Variants in ATP2B2 observed in about 807,000 individuals in gnomAD.
ATP2B2 encodes plasma membrane calcium-transporting ATPase 2.
In ATP2B2, 15 loss-of-function variants were observed where a neutral mutation model predicts 120.0. That is an observed-to-expected ratio of 0.12 (90% confidence interval 0.08 to 0.19). The LOEUF is 0.19. Among genes scored for constraint, ATP2B2 ranks in the 10% least tolerant of loss-of-function variants. The pLI is 1.00. For missense variants in ATP2B2, 1,045 were observed against 1,719.8 expected (o/e 0.61, Z 6.94); for synonymous variants, 694 against 700.3 (o/e 0.99, Z 0.14).
intron 2 of ATP2B2, among the ~76,000 whole-genome samples, chr3:10,572,142 G>A (rs776472160): frequency 2.6e-5 from 4 of 152,174 alleles, no homozygotes; most frequent in African/African-American, 4.8e-5. Flanking sequence ...GGTTGCAGGC[G>A]GAGGCTCAGA....
intron 22 of ATP2B2, among the ~76,000 whole-genome samples, chr3:10,337,190 C>T (rs2060141258): frequency 6.6e-6 from 1 of 152,218 alleles, no homozygotes; most frequent in South Asian, 2.1e-4. Flanking sequence ...CTGTGAAGGT[C>T]ACATGAGGTG....
chr3:10,512,464 GCACACACA>G (rs6147706), intron 3 of ATP2B2, among the ~76,000 whole-genome samples: 2,784 of 136,952 alleles, frequency 0.02, 64 homozygotes, highest in East Asian at 0.059. Flanking sequence ...AAGTGTGTGC[GCACACACA>G]CACACACACA....
chr3:10,707,161 C>T (rs578262256), intron 1 of ATP2B2, among the ~76,000 whole-genome samples: 14 of 152,304 alleles, frequency 9.2e-5, no homozygotes, highest in East Asian at 7.7e-4. Context: ...GTCCACCTTC[C>T]GAAGGAGGCT....
Position 10,512,461 on chromosome 3 carries a change from T to TGCGCGCGC in ATP2B2, c.-320+21577_-320+21578insGCGCGCGC, listed in dbSNP as rs146088719. 2.9e-3 allele frequency among the ~76,000 whole-genome samples: 298 copies of TGCGCGCGC among 102,908 alleles called. 1 individual carries two copies. The highest frequency in any genetic ancestry group is 0.021 in the East Asian group (53 of 2,584). The allele number at this position is 102,908 out of a possible 152,430, so 67.5% of individuals were successfully genotyped here. On this transcript the variant is annotated intron_variant, in intron 3 of 21. Coordinates refer to the ATP2B2 transcript ENST00000646379. ...GCATATTCCTGGGTGCTAAAGTGTG[T>TGCGCGCGC]GCGCACACACACACACACACACACA...
rs572499965 is a variant in ATP2B2, at chr3:10,347,475, T to C, written c.2405-1338A>G. Among the ~76,000 whole-genome samples, 1 of 152,318 alleles carries C rather than the reference T, an allele frequency of 6.6e-6. No individual in the cohort carries two copies. Among genetic ancestry groups the C allele is most frequent in the African/African-American group, 2.4e-5 (1 of 41,568 alleles). On this transcript the variant is annotated intron_variant, in intron 16 of 22. Coordinates refer to ENST00000360273, the MANE Select transcript of ATP2B2 (RefSeq NM_001001331.4). This position sits in a 1 kb window ranked among gnomAD's most constrained non-coding sequence, Gnocchi z 5.2. Reference sequence around the variant, plus strand: ...CTGTGGAATGAGGCGCTGAGTTCCATAACCTGGGGCACTGTGCCCCCAACC... The same window carrying C: ...CTGTGGAATGAGGCGCTGAGTTCCACAACCTGGGGCACTGTGCCCCCAACC...
intron 1 of ATP2B2, among the ~76,000 whole-genome samples, chr3:10,480,419 T>G (rs1243371436): frequency 1.3e-5 from 2 of 152,172 alleles, no homozygotes; most frequent in Non-Finnish European, 2.9e-5. Flanking sequence ...TATCTGGGCC[T>G]CAGTCTTCTC....
intron 2 of ATP2B2, among the ~76,000 whole-genome samples, chr3:10,619,423 G>T (rs1237407670): frequency 6.6e-6 from 1 of 152,146 alleles, no homozygotes; most frequent in African/African-American, 2.4e-5. Flanking sequence ...CTGACCTCAG[G>T]GAGATAGTAA....
At chr3:10,575,545 C>A (rs1388472948) in intron 2 of ATP2B2, among the ~76,000 whole-genome samples, 2 of 152,124 alleles carry the variant, frequency 1.3e-5, no homozygotes, top group African/African-American at 4.8e-5. Flanking sequence ...TTTAATGCTG[C>A]TGAACTACAC....
intron 2 of ATP2B2, among the ~76,000 whole-genome samples, chr3:10,578,896 C>T (rs2068318211): frequency 6.6e-6 from 1 of 152,190 alleles, no homozygotes; most frequent in Non-Finnish European, 1.5e-5. Context: ...GCAGTGGTCT[C>T]CTCTGGAGGG....
At chr3:10,621,854 T>C (rs1383790208) in intron 1 of ATP2B2, among the ~76,000 whole-genome samples, 1 of 152,168 alleles carries the variant, frequency 6.6e-6, no homozygotes, top group Non-Finnish European at 1.5e-5. Context: ...CACGTCAACA[T>C]GACGATAAGA....
rs1435330326 is a variant in ATP2B2, at chr3:10,653,391, A to G, written c.-459-33430T>C. On this transcript the variant is annotated intron_variant, in intron 1 of 21. Transcript: ENST00000646379. ...GTGAATTTGCTTTCTGAAGAGTCCA[A>G]AGGACTCAACCACACCTGATGGAGA... 5.9e-5 allele frequency among the ~76,000 whole-genome samples: 9 copies of G among 152,264 alleles called. No homozygotes were observed. The South Asian group carries it at 8.3e-4, about 14-fold the overall frequency.
At chr3:10,689,903 G>A (rs1396992390) in intron 1 of ATP2B2, among the ~76,000 whole-genome samples, 2 of 152,188 alleles carry the variant, frequency 1.3e-5, no homozygotes, top group Non-Finnish European at 1.5e-5. Context: ...GTGAGGGTAG[G>A]GTGAACAGAG....
rs559240620 is a variant in ATP2B2 at position 10,337,158 on chromosome 3, G to T, written c.3420+1018C>A. Among the ~76,000 whole-genome samples, 17 of 152,344 alleles carry T rather than the reference G, an allele frequency of 1.1e-4. No individual in the cohort carries two copies. The East Asian group carries it at 3.3e-3, about 29-fold the overall frequency. On this transcript the variant is annotated intron_variant, in intron 22 of 22. Transcript: ENST00000360273. ...ACCTTGGTAACCTCTAAAACTGGGG[G>T]AGTCACATCTACCTCCCAGGGCTGT...
intron 1 of ATP2B2, among the ~76,000 whole-genome samples, chr3:10,655,766 C>T (rs2070607183): frequency 6.6e-6 from 1 of 152,204 alleles, no homozygotes; most frequent in East Asian, 1.9e-4. Context: ...TTCCTTCCTT[C>T]CTTTGAAGCA....
chr3:10,458,984 C>T lies in ATP2B2; in HGVS notation c.-319-9122G>A, dbSNP rs2064374933. Among the ~76,000 whole-genome samples the T allele has an allele frequency of 2.0e-5, 3 of 152,188 alleles. 1 individual carries two copies. In the South Asian group the frequency reaches 6.2e-4, roughly 31 times the overall value. On this transcript the variant is annotated intron_variant, in intron 1 of 22. Transcript: ENST00000360273. ...CTCAGTGTTGAAGGGTTATTTTAGC[C>T]CCACCCTCAAGGATCCTTGCTTCTT...
chr3:10,549,566 C>G (rs1471313729), intron 2 of ATP2B2, among the ~76,000 whole-genome samples: 11 of 152,268 alleles, frequency 7.2e-5, no homozygotes, highest in Admixed American at 3.3e-4. Context: ...CATGTCCTAT[C>G]ACTTAGGCCA....
At chr3:10,578,528 CAG>C (rs754930821) in intron 2 of ATP2B2, among the ~76,000 whole-genome samples, 4 of 145,968 alleles carry the variant, frequency 2.7e-5, no homozygotes, top group African/African-American at 1.0e-4. Context: ...GCCTGGGTGA[CAG>C]AGAGAGAGTC....
At chr3:10,641,014 G>T (rs1575584951) in intron 1 of ATP2B2, among the ~76,000 whole-genome samples, 1 of 152,314 alleles carries the variant, frequency 6.6e-6, no homozygotes, top group Non-Finnish European at 1.5e-5. Flanking sequence ...AACAGTGGGG[G>T]TGTGTGACCC....
intron 2 of ATP2B2, among the ~76,000 whole-genome samples, chr3:10,441,729 T>C (rs1424874929): frequency 2.0e-5 from 3 of 152,214 alleles, no homozygotes; most frequent in African/African-American, 7.2e-5. Flanking sequence ...ACATACTAGG[T>C]GCATAACATA....
Sources: gnomAD v4.1 joint callset for allele counts (sites outside exome capture counted in the v4.1 genomes callset) on GRCh38, gnomAD v4.1.1 for gene constraint, Gnocchi (gnomAD v3.1) non-coding constraint, MANE v1.5 for transcripts, NCBI Gene and HGNC (gene_info 2026-07-23, HGNC 2026-07-21) for gene names.